The following DCHS2 variants were observed in gnomAD, a reference collection of about 807,000 sequenced individuals.
DCHS2 encodes dachsous cadherin-related 2, also known as protocadherin-23.
A neutral mutation model predicts 182.4 loss-of-function variants in DCHS2; 142 were observed. That is an observed-to-expected ratio of 0.78 (90% CI 0.68 to 0.89). The LOEUF is 0.89. DCHS2 is among the 40% of genes least tolerant of loss of function. The pLI is 0.00. For missense variants in DCHS2, 4,319 were observed against 4,198.6 expected, an observed-to-expected ratio of 1.03 and a Z score of -0.79; for synonymous variants, 1,740 against 1,663.3, an observed-to-expected ratio of 1.05 and a Z score of -1.12.
intron 1 of DCHS2, among the ~76,000 whole-genome samples, chr4:154,380,413 C>T (rs1731116564): frequency 1.3e-5 from 2 of 152,128 alleles, no homozygotes; most frequent in Non-Finnish European, 2.9e-5. Context: ...TCTATTCTGA[C>T]AGCTGTTAAT....
At chr4:154,469,280 T>G (rs1313211688) in intron 1 of DCHS2, among the ~76,000 whole-genome samples, 1 of 152,038 alleles carries the variant, frequency 6.6e-6, no homozygotes, top group African/African-American at 2.4e-5. Context: ...TGTCCAAAAT[T>G]TATGACATTT....
intron 3 of DCHS2, among the ~76,000 whole-genome samples, chr4:154,356,141 G>A (rs1729852303): frequency 6.6e-6 from 1 of 152,074 alleles, no homozygotes; most frequent in African/African-American, 2.4e-5. Context: ...GTGGAAGACA[G>A]TGGTATTCAT....
chr4:154,277,814 G>A (rs1733922817), intron 13 of DCHS2, among the ~76,000 whole-genome samples: 2 of 152,104 alleles, frequency 1.3e-5, no homozygotes, highest in Non-Finnish European at 2.9e-5. Flanking sequence ...GCCAAGGCAG[G>A]TGGATCACCT....
At chr4:154,369,644 G>C (rs1409138974) in intron 2 of DCHS2, among the ~76,000 whole-genome samples, 2 of 152,166 alleles carry the variant, frequency 1.3e-5, no homozygotes. Flanking sequence ...TAAGCTGCTA[G>C]ATTCAGGAAT....
intron 1 of DCHS2, 64 bp from the exon 2 acceptor site, chr4:154,377,508 G>A (rs2110807267): frequency 7.3e-7 from 1 of 1,376,374 alleles, no homozygotes; most frequent in Admixed American, 2.0e-5. Context: ...AGTCAGTCAT[G>A]AATTATTAAA....
chr4:154,319,125 G>A (rs1339233713), intron 9 of DCHS2, among the ~76,000 whole-genome samples: 3 of 152,062 alleles, frequency 2.0e-5, no homozygotes, highest in African/African-American at 7.2e-5. Context: ...ATGATGTGGG[G>A]AAACCAGATA....
rs550433116 is a variant in DCHS2 at position 154,235,688 on chromosome 4, T to C, written c.8964A>G (p.Ala2988=). 3.7e-6 allele frequency: 6 copies of C among 1,614,038 alleles called. No individual in the cohort carries two copies. In the East Asian group the frequency reaches 1.1e-4, roughly 30 times the overall value. ...TGATTGAAAAGCTGCTGGCGAACACTGCCAAGGGTGTTCCTTCAGAGGAGA... is the reference window on the plus strand; with the variant it reads ...TGATTGAAAAGCTGCTGGCGAACACCGCCAAGGGTGTTCCTTCAGAGGAGA... The part of the protein sequence containing the change: ...VSFSSEGTPL[A]VFASSFSISL... The change falls in exon 20 of 20, where the codon GCA becomes GCG. Residue 2988 remains alanine (A), a synonymous_variant. Coordinates refer to ENST00000357232, the MANE Select transcript of DCHS2 (RefSeq NM_001358235.2).
intron 7 of DCHS2, among the ~76,000 whole-genome samples, chr4:154,325,344 T>C (rs1320747305): frequency 2.0e-5 from 3 of 151,642 alleles, no homozygotes; most frequent in Non-Finnish European, 2.9e-5. Flanking sequence ...TGTGTGTGTG[T>C]GTGTGTGTGT....
chr4:154,350,899 T>C (rs996978763), intron 3 of DCHS2, among the ~76,000 whole-genome samples: 1 of 152,158 alleles, frequency 6.6e-6, no homozygotes, highest in Admixed American at 6.6e-5. Context: ...TTTACAAAAG[T>C]GCAAGGTTTC....
intron 1 of DCHS2, among the ~76,000 whole-genome samples, chr4:154,483,544 G>T (rs1736000905): frequency 6.6e-6 from 1 of 152,146 alleles, no homozygotes; most frequent in Non-Finnish European, 1.5e-5. Context: ...GACTAAAACA[G>T]GCTTTCATTG....
Position 154,335,072 on chromosome 4 carries a change from A to T in DCHS2, c.2509T>A (p.Leu837Met). The change falls in exon 4 of 20, where the codon TTG (leucine) becomes ATG (methionine). Residue 837 changes from leucine to methionine, a missense_variant. Physicochemically the swap from Leu to Met is conservative, Grantham distance 15 (BLOSUM62 2). Transcript: ENST00000357232. ...IIYLTLPLSHLESTTLSLMVS... is the reference protein window; with the variant it reads ...IIYLTLPLSHMESTTLSLMVS... ...ATCAACGAAAGTGTGGTAGATTCCA[A>T]ATGACTAAGAGGTAATGTTAAGTAA... is the stretch of plus-strand genomic sequence containing the variant. 2 of 1,612,580 alleles carry T rather than the reference A, an allele frequency of 1.2e-6. No individual in the cohort carries two copies. The highest frequency in any genetic ancestry group is 1.7e-6 in the Non-Finnish European group (2 of 1,178,570).
At chr4:154,470,554 T>C (rs1735421502) in intron 1 of DCHS2, among the ~76,000 whole-genome samples, 1 of 152,112 alleles carries the variant, frequency 6.6e-6, no homozygotes, top group Non-Finnish European at 1.5e-5. Context: ...AATTCTGATA[T>C]TACCTTGCAT....
At chr4:154,461,631 G>T (rs1735012989) in intron 1 of DCHS2, among the ~76,000 whole-genome samples, 1 of 152,070 alleles carries the variant, frequency 6.6e-6, no homozygotes, top group Non-Finnish European at 1.5e-5. Flanking sequence ...TTAAGAAATA[G>T]AACATATTTT....
intron 3 of DCHS2, among the ~76,000 whole-genome samples, chr4:154,359,005 A>G (rs1425632706): frequency 1.3e-5 from 2 of 151,876 alleles, no homozygotes; most frequent in East Asian, 1.9e-4. Context: ...CTTTGCCTAT[A>G]TATTGGTCAG....
chr4:154,394,958 A>C (rs190714869), intron 1 of DCHS2, among the ~76,000 whole-genome samples: 1 of 152,146 alleles, frequency 6.6e-6, no homozygotes, highest in African/African-American at 2.4e-5. Context: ...ACTGAGAAAG[A>C]GCCAACCAGA....
intron 3 of DCHS2, among the ~76,000 whole-genome samples, chr4:154,348,429 T>A (rs2111401070): frequency 6.6e-6 from 1 of 152,040 alleles, no homozygotes; most frequent in South Asian, 2.1e-4. Context: ...TAAGATAACA[T>A]AATTTTAGAA....
chr4:154,464,889 A>G (rs1430127138), intron 1 of DCHS2, among the ~76,000 whole-genome samples: 1 of 152,172 alleles, frequency 6.6e-6, no homozygotes, highest in Admixed American at 6.5e-5. Flanking sequence ...CCGCCCTTGC[A>G]ACTCAGCTTT....
intron 1 of DCHS2, among the ~76,000 whole-genome samples, chr4:154,394,347 C>A (rs527575295): frequency 1.3e-5 from 2 of 152,236 alleles, no homozygotes; most frequent in Admixed American, 1.3e-4. Flanking sequence ...GGCACAAGGC[C>A]CCCCTCAGGA....
intron 1 of DCHS2, among the ~76,000 whole-genome samples, chr4:154,395,133 C>A (rs1421543224): frequency 6.6e-6 from 1 of 152,084 alleles, no homozygotes; most frequent in Non-Finnish European, 1.5e-5. Context: ...CAATGCTTAG[C>A]CACTAGTGCA....
Sources: allele counts gnomAD v4.1 joint callset (sites outside exome capture counted in the v4.1 genomes callset), GRCh38; gene constraint gnomAD v4.1.1; transcripts MANE v1.5; gene names NCBI Gene and HGNC (gene_info 2026-07-23, HGNC 2026-07-21).